GRIK1: variants seen among roughly 807,000 people sequenced by gnomAD.
GRIK1 encodes the protein glutamate ionotropic receptor kainate type subunit 1.
In GRIK1, 69 loss-of-function variants were observed where a neutral mutation model predicts 105.7. That is an observed-to-expected ratio of 0.65 (90% CI 0.54 to 0.80). The LOEUF (loss-of-function observed/expected upper bound fraction) is 0.80. Among genes scored for constraint, GRIK1 ranks in the 30% least tolerant of loss-of-function variants. The pLI, the probability that GRIK1 is intolerant of heterozygous loss-of-function variation, is 0.00. For synonymous variants in GRIK1, 438 were observed against 431.3 expected, an observed-to-expected ratio of 1.02 and a Z score of -0.19; for missense variants, 1,109 against 1,167.3, an observed-to-expected ratio of 0.95 and a Z score of 0.73.
At chr21:29,700,424 G>A (rs1303461442) in intron 1 of GRIK1, among the ~76,000 whole-genome samples, 1 of 152,200 alleles carries the variant, frequency 6.6e-6, no homozygotes, top group Admixed American at 6.5e-5. Flanking sequence ...AACACTTAGA[G>A]AAGGCTAAGG....
At chr21:29,905,686 G>C (rs2070601008) in intron 1 of GRIK1, among the ~76,000 whole-genome samples, 1 of 136,714 alleles carries the variant, frequency 7.3e-6, no homozygotes, top group South Asian at 2.5e-4. Context: ...GAGTGCAGTG[G>C]AGGGATCTCG....
intron 1 of GRIK1, among the ~76,000 whole-genome samples, chr21:29,923,062 A>T (rs1285492260): frequency 6.6e-6 from 1 of 152,182 alleles, no homozygotes. Context: ...TGTATGTGTT[A>T]TGCAAAAATG....
chr21:29,776,991 G>A (rs769246175), intron 1 of GRIK1, among the ~76,000 whole-genome samples: 1 of 152,110 alleles, frequency 6.6e-6, no homozygotes, highest in African/African-American at 2.4e-5. Flanking sequence ...TCAAGAAAGG[G>A]AAGTACAAGA....
intron 1 of GRIK1, among the ~76,000 whole-genome samples, chr21:29,924,979 G>C (rs140830013): frequency 2.0e-5 from 3 of 152,136 alleles, no homozygotes; most frequent in Non-Finnish European, 4.4e-5. Context: ...ATGAGGTGAC[G>C]TGCAAGCCAT....
At chr21:29,744,597 T>C (rs1212715593) in intron 1 of GRIK1, among the ~76,000 whole-genome samples, 9 of 151,824 alleles carry the variant, frequency 5.9e-5, no homozygotes, top group Non-Finnish European at 1.0e-4. Context: ...AATTCTATTG[T>C]CTTGCTTCTT....
chr21:29,861,365 A>C (rs541950541), intron 1 of GRIK1, among the ~76,000 whole-genome samples: 1 of 151,918 alleles, frequency 6.6e-6, no homozygotes, highest in Non-Finnish European at 1.5e-5. Flanking sequence ...GGAGTGCAGC[A>C]GTGCAGTCTC....
intron 1 of GRIK1, among the ~76,000 whole-genome samples, chr21:29,780,834 C>T (rs925484466): frequency 6.6e-6 from 1 of 152,142 alleles, no homozygotes; most frequent in Non-Finnish European, 1.5e-5. Context: ...ACATTTGACA[C>T]ATTGAAGGGT....
intron 3 of GRIK1, among the ~76,000 whole-genome samples, chr21:29,675,071 A>G (rs996649378): frequency 1.3e-5 from 2 of 152,234 alleles, no homozygotes; most frequent in African/African-American, 4.8e-5. Context: ...TAATCTTTGA[A>G]ATAATCCTAT....
intron 1 of GRIK1, among the ~76,000 whole-genome samples, chr21:29,795,906 A>C (rs2145837484): frequency 6.6e-6 from 1 of 152,156 alleles, no homozygotes; most frequent in East Asian, 1.9e-4. Context: ...TATTTGGACA[A>C]TGAGCTTCTA....
At chr21:29,729,678 A>G (rs1481829184) in intron 1 of GRIK1, among the ~76,000 whole-genome samples, 1 of 152,164 alleles carries the variant, frequency 6.6e-6, no homozygotes. Flanking sequence ...CTGAAACTTC[A>G]TTTATCCTAA....
chr21:29,902,005 T>A (rs1601992729), intron 1 of GRIK1, among the ~76,000 whole-genome samples: 1 of 152,336 alleles, frequency 6.6e-6, no homozygotes, highest in East Asian at 1.9e-4. Context: ...CACAAATTAA[T>A]AAATGTAACC....
intron 1 of GRIK1, among the ~76,000 whole-genome samples, chr21:29,797,794 G>A (rs1486018348): frequency 6.6e-6 from 1 of 152,072 alleles, no homozygotes; most frequent in Admixed American, 6.6e-5. Context: ...GTCCCGCCTA[G>A]ATTTCTTTTA....
intron 7 of GRIK1, among the ~76,000 whole-genome samples, chr21:29,635,443 C>A (rs1246567481): frequency 6.6e-6 from 1 of 152,156 alleles, no homozygotes; most frequent in East Asian, 1.9e-4. Context: ...CTTTGGGATG[C>A]CACTTTCTAA....
intron 1 of GRIK1, among the ~76,000 whole-genome samples, chr21:29,852,033 T>A (rs960657165): frequency 4.6e-5 from 7 of 152,202 alleles, no homozygotes; most frequent in African/African-American, 1.7e-4. Context: ...TTTTCAAGTC[T>A]GACTATTTCT....
intron 1 of GRIK1, among the ~76,000 whole-genome samples, chr21:29,700,526 C>G (rs1036414593): frequency 6.6e-6 from 1 of 152,156 alleles, no homozygotes; most frequent in Non-Finnish European, 1.5e-5. Flanking sequence ...TGGAGAGAAT[C>G]AGAATGTCAA....
intron 4 of GRIK1, among the ~76,000 whole-genome samples, chr21:29,668,100 C>G (rs1290779296): frequency 4.6e-5 from 7 of 152,122 alleles, no homozygotes; most frequent in Non-Finnish European, 7.4e-5. Context: ...CTCATTCATT[C>G]GTTTGGTTCA....
chr21:29,867,904 A>AGAGAAAGAAAGAGAGAGAAAGAG (rs1569174422), intron 1 of GRIK1, among the ~76,000 whole-genome samples: 4 of 57,350 alleles, frequency 7.0e-5, no homozygotes, highest in African/African-American at 1.9e-4. Flanking sequence ...GAGAGAGAGA[A>AGAGAAAGAAAGAGAGAGAAAGAG]AGAAAGAGAG....
chr21:29,814,114 A>ATAT (rs2067087191), intron 1 of GRIK1, among the ~76,000 whole-genome samples: 1 of 144,774 alleles, frequency 6.9e-6, no homozygotes, highest in Non-Finnish European at 1.5e-5. Context: ...AATAATAATA[A>ATAT]TTATTATTTT....
chr21:29,765,157 A>C (rs1404877219), intron 1 of GRIK1, among the ~76,000 whole-genome samples: 2 of 152,184 alleles, frequency 1.3e-5, no homozygotes, highest in Non-Finnish European at 2.9e-5. Context: ...AGAACAGAGG[A>C]ATAGTCTAAT....
Sources: allele counts gnomAD v4.1 joint callset (sites outside exome capture counted in the v4.1 genomes callset), GRCh38; gene constraint gnomAD v4.1.1; transcripts MANE v1.5; gene names NCBI Gene and HGNC (gene_info 2026-07-23, HGNC 2026-07-21).